The following PSG3 variants were observed in gnomAD, a reference collection of about 807,000 sequenced individuals.
PSG3 encodes the protein pregnancy specific beta-1-glycoprotein 3, also known as pregnancy-specific beta-1-glycoprotein 3.
Under a neutral mutation model 47.5 loss-of-function variants are expected in PSG3, and 61 were observed. That is an observed-to-expected ratio of 1.28 (90% CI 1.05 to 1.59). The LOEUF (loss-of-function observed/expected upper bound fraction) is 1.59, where lower values mean the gene tolerates loss of function less well. PSG3 is among the 40% of genes most tolerant of loss of function. PSG3 has a pLI of 0.00. For synonymous variants in PSG3, 263 were observed against 198.4 expected, an observed-to-expected ratio of 1.33 and a Z score of -2.74; for missense variants, 756 against 524.0, an observed-to-expected ratio of 1.44 and a Z score of -4.32.
chr19:42,729,650 A>C, intron 4 of PSG3, 128 bp downstream of exon 4: 1 of 1,541,892 alleles, frequency 6.5e-7, no homozygotes, highest in African/African-American at 1.4e-5. Context: ...GCAGGAAGTT[A>C]TGGCCAGCTC....
At chr19:42,730,121 C>A (rs1385110578) in intron 3 of PSG3, 65 bp from the exon 4 acceptor site, 6 of 1,595,356 alleles carry the variant, frequency 3.8e-6, no homozygotes, top group Non-Finnish European at 5.1e-6. Context: ...TGGCATCCTT[C>A]AATCAGAGTT....
intron 5 of PSG3, 106 bp downstream of exon 5, chr19:42,729,017 C>T: frequency 6.3e-7 from 1 of 1,595,868 alleles, no homozygotes; most frequent in Non-Finnish European, 8.5e-7. Flanking sequence ...TTTGCTTGTG[C>T]CCATGGGACA....
Position 42,729,957 on chromosome 19 carries a change from G to A in PSG3, c.809C>T (p.Thr270Ile). Residue 270 changes from threonine (T) to isoleucine (I), a missense_variant, in exon 4 of 7, where the codon ACC becomes ATC. By Grantham distance (89) the Thr-to-Ile change is moderately conservative. Coordinates refer to ENST00000327495, the MANE Select transcript of PSG3 (RefSeq NM_021016.4). ...FTCEPKSENY[T>I]YIWWLNGQSL... is the part of the protein sequence containing the mutation. ...CTGACCATTTAGCCACCAAATGTAGGTGTAGTTCTCACTCTTAGGTTCACA... is the reference window on the plus strand; with the variant it reads ...CTGACCATTTAGCCACCAAATGTAGATGTAGTTCTCACTCTTAGGTTCACA... The A allele has an allele frequency of 1.9e-6, 3 of 1,612,176 alleles. No individual in the cohort carries two copies. Among genetic ancestry groups the A allele is most frequent in the Non-Finnish European group, 2.5e-6 (3 of 1,179,856 alleles).
In PSG3 at chr19:42,740,419, C is replaced by A. The variant is rs368867088; in HGVS notation, c.-35G>T. On this transcript the variant is annotated 5_prime_UTR_variant, in exon 1 of 7. Transcript: ENST00000327495. ...TGCCTGCGTGTTCTCCTCTGTGGAG[C>A]TGAGCCTAGGATCCAGAAACTTCCT... is the stretch of plus-strand genomic sequence containing the variant. 9.4e-4 allele frequency: 1,508 copies of A among 1,612,548 alleles called. 18 individuals carry two copies. In the African/African-American group the frequency reaches 0.017, roughly 18 times the overall value.
At chr19:42,734,637 G>C (rs1314671956) in intron 2 of PSG3, among the ~76,000 whole-genome samples, 2 of 152,208 alleles carry the variant, frequency 1.3e-5, no homozygotes, top group East Asian at 3.8e-4. Context: ...GTTTAGGTGT[G>C]CCGTGAATTC....
intron 2 of PSG3, among the ~76,000 whole-genome samples, chr19:42,737,380 C>T (rs543314301): frequency 6.6e-6 from 1 of 152,204 alleles, no homozygotes; most frequent in South Asian, 2.1e-4. Flanking sequence ...CTGAGTGTGT[C>T]TGTCTCGCTG....
At chr19:42,740,196 C>T (rs1969647218) in intron 1 of PSG3, 125 bp downstream of exon 1, 2 of 1,580,742 alleles carry the variant, frequency 1.3e-6, no homozygotes, top group Admixed American at 3.5e-5. Flanking sequence ...TCGTGATCCA[C>T]CCTCCTCAGC....
intron 2 of PSG3, among the ~76,000 whole-genome samples, chr19:42,736,212 T>C (rs2122193027): frequency 1.3e-5 from 2 of 152,344 alleles, no homozygotes; most frequent in East Asian, 3.9e-4. Context: ...TCAAATGTCG[T>C]TGGGCCAGAG....
intron 2 of PSG3, chr19:42,733,771 C>A (rs1284355455): frequency 6.5e-6 from 1 of 152,680 alleles, no homozygotes; most frequent in Non-Finnish European, 1.5e-5. Context: ...AGCTTTGGAC[C>A]AAGACCACGT....
intron 1 of PSG3, 133 bp from the exon 2 acceptor site, chr19:42,739,222 A>C (rs376164780): frequency 2.2e-6 from 3 of 1,348,962 alleles, no homozygotes; most frequent in Non-Finnish European, 3.0e-6. Flanking sequence ...ACAAACACAC[A>C]CACACACACA....
intron 3 of PSG3, among the ~76,000 whole-genome samples, chr19:42,731,052 AG>A (rs1171885944): frequency 1.3e-5 from 2 of 152,168 alleles, no homozygotes; most frequent in African/African-American, 4.8e-5. Flanking sequence ...ACCTCATGTA[AG>A]TGGATTCCAG....
chr19:42,733,106 G>T (rs769723490), intron 2 of PSG3, 44 bp from the exon 3 acceptor site: 20 of 1,590,178 alleles, frequency 1.3e-5, no homozygotes, highest in Non-Finnish European at 1.6e-5. Flanking sequence ...TGGCACCTTT[G>T]ATTCCTCCAA....
intron 4 of PSG3, 128 bp downstream of exon 4, chr19:42,729,650 A>G: frequency 6.5e-7 from 1 of 1,541,892 alleles, no homozygotes; most frequent in Non-Finnish European, 8.7e-7. Context: ...GCAGGAAGTT[A>G]TGGCCAGCTC....
chr19:42,734,120 G>A (rs1009541318), intron 2 of PSG3: 1 of 152,186 alleles, frequency 6.6e-6, no homozygotes, highest in African/African-American at 2.4e-5. Context: ...AGGGGAATAG[G>A]GCGTTGTTCT....
intron 5 of PSG3, among the ~76,000 whole-genome samples, chr19:42,728,904 C>T (rs543670210): frequency 1.3e-5 from 2 of 152,136 alleles, no homozygotes; most frequent in African/African-American, 4.8e-5. Flanking sequence ...CCGCTCCGTA[C>T]CTTTCTCAGG....
intron 3 of PSG3, 65 bp downstream of exon 3, chr19:42,732,719 C>T: frequency 6.2e-7 from 1 of 1,614,108 alleles, no homozygotes; most frequent in South Asian, 1.1e-5. Flanking sequence ...GACTGAGAGG[C>T]CTGGCCTCTG....
intron 5 of PSG3, among the ~76,000 whole-genome samples, chr19:42,727,718 C>T (rs920275594): frequency 1.3e-5 from 2 of 152,188 alleles, no homozygotes; most frequent in African/African-American, 4.8e-5. Context: ...GTGTGGCTCT[C>T]TCTCAAAAAA....
At chr19:42,733,446 G>A in intron 2 of PSG3, 1 of 222,722 alleles carries the variant, frequency 4.5e-6, no homozygotes, top group East Asian at 9.5e-5. Context: ...GTCTTACTTT[G>A]CCGCCCGAGG....
At chr19:42,730,624 CA>C (rs1419623050) in intron 3 of PSG3, among the ~76,000 whole-genome samples, 4 of 152,206 alleles carry the variant, frequency 2.6e-5, no homozygotes, top group African/African-American at 9.7e-5. Flanking sequence ...GTTCAGTCAT[CA>C]GGCAGTGGAG....
Sources: allele counts gnomAD v4.1 joint callset (sites outside exome capture counted in the v4.1 genomes callset), GRCh38; gene constraint gnomAD v4.1.1; transcripts MANE v1.5; gene names NCBI Gene and HGNC (gene_info 2026-07-23, HGNC 2026-07-21).